The following NAV2 variants were observed in gnomAD, a reference collection of about 807,000 sequenced individuals.
The protein encoded by NAV2 is neuron navigator 2, also known as helicase, APC down-regulated 1.
In NAV2, 54 loss-of-function variants were observed where a neutral mutation model predicts 223.2. That is an observed-to-expected ratio of 0.24 (90% CI 0.19 to 0.30). NAV2 has a LOEUF of 0.30. Among genes scored for constraint, NAV2 ranks in the 10% least tolerant of loss-of-function variants. The probability of loss-of-function intolerance (pLI) is 1.00; values close to 1 mark genes in which losing one functional copy is unlikely to be tolerated. For synonymous variants in NAV2, 1,279 were observed against 1,239.3 expected, an observed-to-expected ratio of 1.03 and a Z score of -0.67; for missense variants, 2,806 against 3,147.5, an observed-to-expected ratio of 0.89 and a Z score of 2.60.
At chr11:19,570,528 C>A (rs1237607263) in intron 1 of NAV2, among the ~76,000 whole-genome samples, 1 of 152,138 alleles carries the variant, frequency 6.6e-6, no homozygotes, top group African/African-American at 2.4e-5. Flanking sequence ...ATTTGCAAAT[C>A]ATATATCTGG....
intron 10 of NAV2, among the ~76,000 whole-genome samples, chr11:19,978,444 T>C (rs563112420): frequency 6.6e-6 from 1 of 152,298 alleles, no homozygotes; most frequent in African/African-American, 2.4e-5. Context: ...CAACAAAGTA[T>C]GTGTTGATAT....
intron 3 of NAV2, among the ~76,000 whole-genome samples, chr11:19,852,942 A>C (rs1413433438): frequency 6.6e-6 from 1 of 152,262 alleles, no homozygotes; most frequent in Non-Finnish European, 1.5e-5. Flanking sequence ...TGTGGGATTC[A>C]GTCTCTTCTC....
intron 1 of NAV2, among the ~76,000 whole-genome samples, chr11:19,457,341 G>A (rs896887537): frequency 6.6e-6 from 1 of 152,218 alleles, no homozygotes; most frequent in East Asian, 1.9e-4. Context: ...AAGGTAGCTT[G>A]TAGGCAAGAA....
At chr11:19,422,767 C>A (rs993083391) in intron 1 of NAV2, among the ~76,000 whole-genome samples, 8 of 152,202 alleles carry the variant, frequency 5.3e-5, no homozygotes, top group Admixed American at 2.6e-4. Context: ...CATTCCTGTT[C>A]TCTCCATCAC....
At position 19,472,528 on chromosome 11, in the gene NAV2, G is replaced by A. The variant is rs555827950; in HGVS notation, c.75+121501G>A. On this transcript the variant is annotated intron_variant, in intron 1 of 37. Transcript: ENST00000360655. ...TATTGAGCCTGGAGTAATACAGGGC[G>A]GGTGTAGTAGCCTCACGCTGTCAGG... 4.6e-5 allele frequency among the ~76,000 whole-genome samples: 7 copies of A among 152,224 alleles called. No homozygotes were observed. In the East Asian group the frequency reaches 7.7e-4, roughly 17 times the overall value.
rs115274345 is a variant in NAV2, at chr11:19,368,198, C to T, written c.75+17171C>T. Among the ~76,000 whole-genome samples the T allele has an allele frequency of 2.7e-3, 414 of 152,282 alleles. 3 individuals are homozygous for T. The highest frequency in any genetic ancestry group is 9.4e-3 in the African/African-American group (392 of 41,554). ...TTCATATTCATGCACCCTCAATGTC[C>T]AGTAGCAGGTTCAGAGCCACAACTG... On this transcript the variant is annotated intron_variant, in intron 1 of 37. Coordinates refer to the NAV2 transcript ENST00000360655.
chr11:19,911,121 ACT>A (rs2043277672), intron 6 of NAV2, among the ~76,000 whole-genome samples: 2 of 151,146 alleles, frequency 1.3e-5, no homozygotes, highest in South Asian at 4.2e-4. Flanking sequence ...ACTGTAGCCA[ACT>A]CTGTTGGCTA....
intron 1 of NAV2, among the ~76,000 whole-genome samples, chr11:19,741,714 T>G (rs1424688844): frequency 9.3e-6 from 1 of 106,966 alleles, no homozygotes; most frequent in African/African-American, 3.1e-5. Context: ...TATATATATA[T>G]ATATATATAT....
intron 1 of NAV2, among the ~76,000 whole-genome samples, chr11:19,639,030 T>C (rs1425757958): frequency 6.6e-6 from 1 of 152,148 alleles, no homozygotes; most frequent in African/African-American, 2.4e-5. Flanking sequence ...AAATAGAATA[T>C]TGGCTCTTGT....
chr11:19,961,829 A>G (rs752428107), intron 10 of NAV2, among the ~76,000 whole-genome samples: 6 of 151,994 alleles, frequency 3.9e-5, no homozygotes, highest in Non-Finnish European at 7.4e-5. Context: ...TATTTAGGAC[A>G]TTTACGAAGA....
chr11:19,901,011 A>T (rs1826882771), intron 6 of NAV2, among the ~76,000 whole-genome samples: 1 of 152,164 alleles, frequency 6.6e-6, no homozygotes, highest in South Asian at 2.1e-4. Context: ...ATTCTTTCTC[A>T]TTTTTTGCAT....
intron 1 of NAV2, among the ~76,000 whole-genome samples, chr11:19,824,593 T>C (rs919644427): frequency 7.2e-5 from 11 of 152,192 alleles, no homozygotes; most frequent in Non-Finnish European, 1.5e-4. Context: ...ATTTGACTAT[T>C]GTAAGGAGGT....
chr11:19,848,595 C>T (rs973388646), intron 3 of NAV2, among the ~76,000 whole-genome samples: 13 of 152,178 alleles, frequency 8.5e-5, no homozygotes, highest in Non-Finnish European at 1.8e-4. Flanking sequence ...GAGCCAGTTC[C>T]TATAACAGAG....
At chr11:19,576,802 C>T (rs1322550563) in intron 1 of NAV2, among the ~76,000 whole-genome samples, 1 of 152,182 alleles carries the variant, frequency 6.6e-6, no homozygotes, top group Non-Finnish European at 1.5e-5. Context: ...CCTTTCTCAT[C>T]ATTCCCTCTT....
chr11:19,458,065 G>A (rs1482398040), intron 1 of NAV2, among the ~76,000 whole-genome samples: 4 of 152,130 alleles, frequency 2.6e-5, no homozygotes, highest in Non-Finnish European at 5.9e-5. Context: ...TTGGCAGCAG[G>A]CAAGTTCCCT....
At chr11:19,499,714 T>C (rs7103939) in intron 1 of NAV2, among the ~76,000 whole-genome samples, 51,730 of 152,044 alleles carry the variant, frequency 0.34, 9,204 homozygotes, top group Admixed American at 0.4. Context: ...TAATATAAGG[T>C]TCACAGCTAT....
chr11:20,086,285 C>G (rs569604896), intron 26 of NAV2, among the ~76,000 whole-genome samples: 3 of 152,330 alleles, frequency 2.0e-5, no homozygotes, highest in African/African-American at 7.2e-5. Flanking sequence ...CTCTTAGCCA[C>G]TCTGGCCCAC....
intron 1 of NAV2, among the ~76,000 whole-genome samples, chr11:19,628,967 A>G (rs1357490995): frequency 2.0e-5 from 3 of 152,156 alleles, no homozygotes; most frequent in Non-Finnish European, 4.4e-5. Context: ...ACCTGAGACT[A>G]CAGCCCTATC....
intron 11 of NAV2, among the ~76,000 whole-genome samples, chr11:20,019,601 G>A (rs2054315227): frequency 6.6e-6 from 1 of 152,192 alleles, no homozygotes; most frequent in East Asian, 1.9e-4. Context: ...AGAAGTTAGT[G>A]AGAAGTTATA....
Sources: allele counts gnomAD v4.1 joint callset (sites outside exome capture counted in the v4.1 genomes callset), GRCh38; gene constraint gnomAD v4.1.1; transcripts MANE v1.5; gene names NCBI Gene and HGNC (gene_info 2026-07-23, HGNC 2026-07-21).